The following PARD3B variants were observed in gnomAD, a reference collection of about 807,000 sequenced individuals.
PARD3B encodes par-3 family cell polarity regulator beta.
A neutral mutation model predicts 130.2 loss-of-function variants in PARD3B; 103 were observed. The observed-to-expected ratio is 0.79, with a 90% confidence interval of 0.67 to 0.93. The LOEUF (loss-of-function observed/expected upper bound fraction) is 0.93, where lower values mean the gene tolerates loss of function less well. Among genes scored for constraint, PARD3B ranks in the 40% least tolerant of loss-of-function variants. PARD3B has a pLI of 0.00. For missense variants in PARD3B, 1,609 were observed against 1,499.2 expected (o/e 1.07, Z -1.21); for synonymous variants, 583 against 553.2 (o/e 1.05, Z -0.76).
At position 205,301,489 on chromosome 2, in the gene PARD3B, C is replaced by T. The variant is rs201949439; in HGVS notation, c.2418C>T (p.His806=). 1.9e-6 allele frequency: 3 copies of T among 1,612,806 alleles called. No homozygotes were observed. The highest frequency in any genetic ancestry group is 2.2e-5 in the South Asian group (2 of 90,932). The part of the protein sequence containing the change: ...EADGLSDKSS[H]SGQGALNCES... ...ACGGTCTGTCTGATAAGAGCTCTCA[C>T]TCTGGCCAAGGAGCTCTGAATTGTG... The change falls in exon 18 of 23, where the codon CAC becomes CAT. Residue 806 remains histidine (H), a synonymous_variant. Transcript: ENST00000406610. The surrounding 1 kb of genome is among the most constrained non-coding windows in gnomAD (Gnocchi z 5.2).
chr2:204,550,072 T>C (rs2030331845), intron 1 of PARD3B, among the ~76,000 whole-genome samples: 1 of 152,236 alleles, frequency 6.6e-6, no homozygotes, highest in Non-Finnish European at 1.5e-5. Context: ...ACATTCATTT[T>C]ATATAGACAG....
intron 18 of PARD3B, among the ~76,000 whole-genome samples, chr2:205,320,956 A>G (rs1027053266): frequency 1.3e-5 from 2 of 152,208 alleles, no homozygotes; most frequent in Admixed American, 6.5e-5. Context: ...TTAAATACAT[A>G]CACTCAGGGT....
chr2:204,750,673 G>C (rs1030433683), intron 2 of PARD3B, among the ~76,000 whole-genome samples: 1 of 151,980 alleles, frequency 6.6e-6, no homozygotes, highest in South Asian at 2.1e-4. Flanking sequence ...AATATTCATG[G>C]TGTCATCTCA....
intron 20 of PARD3B, among the ~76,000 whole-genome samples, chr2:205,491,745 A>G (rs1324953178): frequency 1.3e-5 from 2 of 152,166 alleles, no homozygotes; most frequent in Non-Finnish European, 2.9e-5. Flanking sequence ...TGGAAATACT[A>G]AGACAAGGAT....
In PARD3B at chr2:205,446,505, G is replaced by A. The variant is rs991756589; in HGVS notation, c.3044+5833G>A. The stretch of plus-strand genomic sequence containing the variant: ...TCTCCATATGAAACATACCCTATTT[G>A]TCCATATATCTCTGTCACATAGGAA... On this transcript the variant is annotated intron_variant, in intron 20 of 22. Coordinates refer to ENST00000406610, the MANE Select transcript of PARD3B (RefSeq NM_001302769.2). The surrounding 1 kb of genome is among the most constrained non-coding windows in gnomAD (Gnocchi z 4.4). Among the ~76,000 whole-genome samples the A allele has an allele frequency of 4.1e-4, 63 of 151,932 alleles. No homozygotes were observed. The highest frequency in any genetic ancestry group is 3.4e-3 in the Middle Eastern group (1 of 294).
chr2:205,005,569 A>G (rs1180095052), intron 3 of PARD3B, among the ~76,000 whole-genome samples: 2 of 152,212 alleles, frequency 1.3e-5, no homozygotes, highest in Admixed American at 6.5e-5. Flanking sequence ...TAAGGTTTGT[A>G]TACTTTTATT....
chr2:204,783,648 T>G (rs1234457512), intron 2 of PARD3B, among the ~76,000 whole-genome samples: 1 of 152,148 alleles, frequency 6.6e-6, no homozygotes, highest in African/African-American at 2.4e-5. Flanking sequence ...CAGCCTAATA[T>G]GTGCCGAACA....
intron 21 of PARD3B, among the ~76,000 whole-genome samples, chr2:205,526,288 A>G (rs1241865550): frequency 2.0e-5 from 3 of 152,198 alleles, no homozygotes; most frequent in Non-Finnish European, 4.4e-5. Context: ...GTAAGCAGCT[A>G]TCACAGGTCT....
At chr2:205,018,579 GTGATGAAAA>G (rs1696335934) in intron 3 of PARD3B, among the ~76,000 whole-genome samples, 1 of 151,910 alleles carries the variant, frequency 6.6e-6, no homozygotes, top group Non-Finnish European at 1.5e-5. Context: ...TTTTTAAAGT[GTGATGAAAA>G]TAACTCATGC....
At chr2:205,295,953 G>A (rs912999696) in intron 16 of PARD3B, among the ~76,000 whole-genome samples, 2 of 152,130 alleles carry the variant, frequency 1.3e-5, no homozygotes, top group Non-Finnish European at 2.9e-5. Flanking sequence ...TTAAGGAGTT[G>A]TTTCCCTTTT....
At chr2:205,515,730 C>G (rs1290430639) in intron 21 of PARD3B, among the ~76,000 whole-genome samples, 1 of 152,068 alleles carries the variant, frequency 6.6e-6, no homozygotes, top group Non-Finnish European at 1.5e-5. Context: ...CAAATATTTT[C>G]TCCCATTCTG....
At chr2:205,132,974 G>A (rs1232454514) in intron 10 of PARD3B, among the ~76,000 whole-genome samples, 1 of 151,990 alleles carries the variant, frequency 6.6e-6, no homozygotes, top group Non-Finnish European at 1.5e-5. Flanking sequence ...TAGAAGGCTG[G>A]GAAACGTATT....
At chr2:205,302,929 C>G (rs986341488) in intron 18 of PARD3B, among the ~76,000 whole-genome samples, 1 of 152,218 alleles carries the variant, frequency 6.6e-6, no homozygotes, top group African/African-American at 2.4e-5. Context: ...ATTTCATATG[C>G]TATACATTCA....
At chr2:204,757,287 G>A (rs1387549673) in intron 2 of PARD3B, among the ~76,000 whole-genome samples, 1 of 152,128 alleles carries the variant, frequency 6.6e-6, no homozygotes, top group Non-Finnish European at 1.5e-5. Flanking sequence ...CAGTAATGGG[G>A]TTTCTGGGTT....
chr2:204,828,409 C>T (rs1397366633), intron 2 of PARD3B, among the ~76,000 whole-genome samples: 1 of 152,132 alleles, frequency 6.6e-6, no homozygotes, highest in African/African-American at 2.4e-5. Context: ...ATGATCACAG[C>T]CTCTGAGGTG....
At position 205,113,503 on chromosome 2, in the gene PARD3B, A is replaced by C; in HGVS notation, c.606A>C (p.Arg202Ser). Reference sequence around the variant, plus strand: ...TTTTCTGCCCCAGTGATATGACAAGAACAGTGGAGATTTCTGGGGAAGGAG... The same window carrying C: ...TTTTCTGCCCCAGTGATATGACAAGCACAGTGGAGATTTCTGGGGAAGGAG... Reference protein sequence around the residue: ...RTKDTLSDMTRTVEISGEGGP... With the variant: ...RTKDTLSDMTSTVEISGEGGP... Residue 202 changes from arginine (R) to serine (S), a missense_variant, in exon 6 of 23, where the codon AGA (arginine) becomes AGC (serine). By Grantham distance (110) the Arg-to-Ser change is moderately radical (BLOSUM62 -1). Transcript: ENST00000406610. 6.2e-7 allele frequency: 1 copy of C among 1,613,080 alleles called. No individual in the cohort carries two copies. Among genetic ancestry groups the C allele is most frequent in the Non-Finnish European group, 8.5e-7 (1 of 1,179,444 alleles).
intron 3 of PARD3B, among the ~76,000 whole-genome samples, chr2:204,991,404 A>G (rs1192522087): frequency 7.0e-6 from 1 of 141,942 alleles, no homozygotes; most frequent in Admixed American, 7.1e-5. Context: ...AAGGACATGA[A>G]CTCATCATTT....
rs1332343657 is a variant in PARD3B at position 205,229,839 on chromosome 2, C to A, written c.2141-15939C>A. 6.6e-6 allele frequency among the ~76,000 whole-genome samples: 1 copy of A among 151,944 alleles called. No homozygotes were observed. Among genetic ancestry groups the A allele is most frequent in the Non-Finnish European group, 1.5e-5 (1 of 68,002 alleles). On this transcript the variant is annotated intron_variant, in intron 15 of 22. Coordinates refer to ENST00000406610, the MANE Select transcript of PARD3B (RefSeq NM_001302769.2). The surrounding 1 kb of genome is among the most constrained non-coding windows in gnomAD (Gnocchi z 5.2). ...AGAAACCTTAGATGTCTACCTGGTG[C>A]TCCATTTTCTTGAGTCTGAGCTGGC... is the stretch of plus-strand genomic sequence containing the variant.
intron 1 of PARD3B, among the ~76,000 whole-genome samples, chr2:204,604,267 A>G (rs1489671592): frequency 6.6e-6 from 1 of 152,068 alleles, no homozygotes; most frequent in Non-Finnish European, 1.5e-5. Flanking sequence ...TTTGTTAGAG[A>G]AGGAAGGGTG....
Sources: gnomAD v4.1 joint callset for allele counts (sites outside exome capture counted in the v4.1 genomes callset) on GRCh38, gnomAD v4.1.1 for gene constraint, Gnocchi (gnomAD v3.1) non-coding constraint, MANE v1.5 for transcripts, NCBI Gene and HGNC (gene_info 2026-07-23, HGNC 2026-07-21) for gene names.